Variants in DPH6 observed in about 807,000 individuals in gnomAD.
The protein encoded by DPH6 is diphthamine biosynthesis 6.
A neutral mutation model predicts 38.2 loss-of-function variants in DPH6; 33 were observed. That is an observed-to-expected ratio of 0.86 (90% CI 0.65 to 1.15). DPH6 has a LOEUF of 1.15. Ranked by LOEUF, DPH6 falls within the 50% of genes most tolerant of loss-of-function variation. The probability of loss-of-function intolerance (pLI) is 0.00; values close to 1 mark genes in which losing one functional copy is unlikely to be tolerated. For synonymous variants in DPH6, 108 were observed against 103.0 expected (o/e 1.05, Z -0.30); for missense variants, 325 against 320.0 (o/e 1.02, Z -0.12).
chr15:35,251,831 C>A (rs2140409975), intron 3 of DPH6, among the ~76,000 whole-genome samples: 2 of 152,324 alleles, frequency 1.3e-5, no homozygotes, highest in African/African-American at 4.8e-5. Flanking sequence ...ACAACACTAA[C>A]CATGTTACTA....
At chr15:35,307,832 G>C (rs1179184569) in intron 3 of DPH6, among the ~76,000 whole-genome samples, 2 of 152,198 alleles carry the variant, frequency 1.3e-5, no homozygotes, top group African/African-American at 4.8e-5. Flanking sequence ...AGTGAGCACA[G>C]TTATCTGGTA....
At chr15:35,453,230 G>GTGA (rs1402425423) in intron 4 of DPH6, among the ~76,000 whole-genome samples, 1 of 152,144 alleles carries the variant, frequency 6.6e-6, no homozygotes, top group African/African-American at 2.4e-5. Flanking sequence ...AAGTGTACCA[G>GTGA]TGATTGTGTT....
At chr15:35,229,570 G>A (rs190459417) in intron 3 of DPH6, among the ~76,000 whole-genome samples, 38 of 152,114 alleles carry the variant, frequency 2.5e-4, no homozygotes, top group Non-Finnish European at 4.4e-4. Flanking sequence ...CATTTGGTGA[G>A]GTCATGTTTT....
rs778702998 is a variant in DPH6 at position 35,381,816 on chromosome 15, T to C, written c.662+6A>G. On this transcript the variant is annotated splice_donor_region_variant and intron_variant, in intron 7 of 8. Coordinates refer to ENST00000256538, the MANE Select transcript of DPH6 (RefSeq NM_080650.4). Reference sequence around the variant, plus strand: ...AAAAAAAGAAAATGCTGAAATGATATCTTACACAATTATTTTCTTCTTAAA... The same window carrying C: ...AAAAAAAGAAAATGCTGAAATGATACCTTACACAATTATTTTCTTCTTAAA... 4 of 1,601,390 alleles carry C rather than the reference T, an allele frequency of 2.5e-6. No individual in the cohort carries two copies. The East Asian group carries it at 6.7e-5, about 27-fold the overall frequency.
At chr15:35,241,087 C>T (rs1349795481) in intron 3 of DPH6, among the ~76,000 whole-genome samples, 1 of 142,828 alleles carries the variant, frequency 7.0e-6, no homozygotes, top group African/African-American at 2.5e-5. Context: ...ATGCCCGCAG[C>T]CCAGGATTCC....
chr15:35,467,968 C>T (rs56030620), intron 3 of DPH6, among the ~76,000 whole-genome samples: 18,385 of 152,146 alleles, frequency 0.12, 1,396 homozygotes, highest in Middle Eastern at 0.21. Flanking sequence ...ACGGAAACAC[C>T]GTATACATGG....
the DPH6 span, among the ~76,000 whole-genome samples, chr15:35,206,175 G>A: frequency 2.6e-5 from 4 of 152,082 alleles, no homozygotes; most frequent in African/African-American, 7.2e-5. Context: ...ATGATAAAAA[G>A]TGAAGTCCTC....
intron 3 of DPH6, among the ~76,000 whole-genome samples, chr15:35,517,401 G>T (rs1342231631): frequency 1.3e-5 from 2 of 151,968 alleles, no homozygotes; most frequent in South Asian, 4.2e-4. Flanking sequence ...TCTTAGTTTG[G>T]TACTCTCATT....
chr15:35,454,931 C>G, intron 3 of DPH6, 111 bp from the exon 4 acceptor site: 2 of 704,988 alleles, frequency 2.8e-6, no homozygotes, highest in Non-Finnish European at 4.6e-6. Context: ...CTACCTCAAA[C>G]CAGAGTAATT....
chr15:35,410,588 T>C (rs1221112556), intron 6 of DPH6, among the ~76,000 whole-genome samples: 1 of 151,764 alleles, frequency 6.6e-6, no homozygotes, highest in Non-Finnish European at 1.5e-5. Flanking sequence ...TTAATAAAAA[T>C]AGACTTTCTG....
chr15:35,446,870 C>CT (rs869297451), intron 5 of DPH6, among the ~76,000 whole-genome samples: 2,778 of 146,472 alleles, frequency 0.019, 89 homozygotes, highest in African/African-American at 0.063. Context: ...TAGGTGGAAT[C>CT]TTTTTTTTTT....
chr15:35,453,365 A>G (rs1366159137), intron 4 of DPH6, among the ~76,000 whole-genome samples: 1 of 152,164 alleles, frequency 6.6e-6, no homozygotes, highest in Non-Finnish European at 1.5e-5. Flanking sequence ...TTTCATAAAT[A>G]GATGTCATCC....
chr15:35,160,113 G>C, the DPH6 span, among the ~76,000 whole-genome samples: 1 of 151,886 alleles, frequency 6.6e-6, no homozygotes, highest in Non-Finnish European at 1.5e-5. Flanking sequence ...CCTGGGTGAT[G>C]GGTTCAATCG....
At chr15:35,323,946 A>G (rs536344395) in intron 3 of DPH6, among the ~76,000 whole-genome samples, 12 of 152,148 alleles carry the variant, frequency 7.9e-5, no homozygotes, top group Non-Finnish European at 1.5e-4. Context: ...CTTCAATAAT[A>G]GAGTTATAAT....
At chr15:35,397,713 C>T (rs1417070420) in intron 6 of DPH6, among the ~76,000 whole-genome samples, 1 of 152,018 alleles carries the variant, frequency 6.6e-6, no homozygotes, top group Non-Finnish European at 1.5e-5. Context: ...TTCTTAGGTC[C>T]CTCTCTAGGC....
In DPH6 at chr15:35,237,825, TGGAGGAGGAGGAGGA is replaced by T. The variant is rs914602657; in HGVS notation, n.201-17258_201-17244del. ...GATGCTGAGGGCTACGTGGAGGGCC[TGGAGGAGGAGGAGGA>T]GGATGAGGATGAGGAGGAGTATGAC... On this transcript the variant is annotated intron_variant and non_coding_transcript_variant, in intron 3 of 3. Transcript: ENST00000560386. 1.6e-5 allele frequency: 25 copies of T among 1,546,000 alleles called. No homozygotes were observed. The East Asian group carries it at 3.8e-4, about 24-fold the overall frequency.
chr15:35,401,433 T>A, intron 6 of DPH6: 1 of 774,618 alleles, frequency 1.3e-6, no homozygotes, highest in East Asian at 2.4e-5. Context: ...CTGGTTATTC[T>A]GGAGGAAGCA....
intron 3 of DPH6, chr15:35,299,177 C>T (rs1347547439): frequency 1.3e-5 from 18 of 1,347,478 alleles, no homozygotes; most frequent in African/African-American, 4.3e-5. Context: ...TCAGAACTTC[C>T]CCTGCAGAAA....
intron 6 of DPH6, among the ~76,000 whole-genome samples, chr15:35,385,610 G>A (rs2052941223): frequency 6.6e-6 from 1 of 152,028 alleles, no homozygotes; most frequent in Non-Finnish European, 1.5e-5. Context: ...ACCAGAGCCT[G>A]TCAGGGGGTC....
Sources: allele counts gnomAD v4.1 joint callset (sites outside exome capture counted in the v4.1 genomes callset), GRCh38; gene constraint gnomAD v4.1.1; transcripts MANE v1.5; gene names NCBI Gene and HGNC (gene_info 2026-07-23, HGNC 2026-07-21).